The following NACC2 variants were observed in gnomAD, a reference collection of about 807,000 sequenced individuals.
NACC2 encodes the protein NACC family member 2.
A neutral mutation model predicts 25.1 loss-of-function variants in NACC2; 8 were observed. The ratio of observed to expected loss-of-function variants is 0.32; its 90% CI spans 0.19 to 0.57. The LOEUF is 0.57. Ranked by LOEUF, NACC2 falls within the 20% of genes least tolerant of loss-of-function variation. The pLI is 0.89. For synonymous variants in NACC2, 435 were observed against 294.7 expected (o/e 1.48, Z -4.88); for missense variants, 644 against 650.2 (o/e 0.99, Z 0.10).
intron 1 of NACC2, among the ~76,000 whole-genome samples, chr9:136,062,549 G>A (rs1047945441): frequency 6.6e-6 from 1 of 152,176 alleles, no homozygotes; most frequent in African/African-American, 2.4e-5. Flanking sequence ...CATCCTACCT[G>A]CTCCTTCATC....
rs893023307 is a variant in NACC2, at chr9:136,018,558, G to A, written c.887-2129C>T. ...CACTGGCCCAGGATGAGCGTGGTAC[G>A]CACTGCACCTGTCAGTCCCAGGAAG... On this transcript the variant is annotated intron_variant, in intron 2 of 5. Coordinates refer to ENST00000277554, the MANE Select transcript of NACC2 (RefSeq NM_144653.5). The surrounding 1 kb of genome is among the most constrained non-coding windows in gnomAD (Gnocchi z 4.4). 1.3e-5 allele frequency among the ~76,000 whole-genome samples: 2 copies of A among 151,986 alleles called. No individual in the cohort carries two copies. Among genetic ancestry groups the A allele is most frequent in the Non-Finnish European group, 2.9e-5 (2 of 67,976 alleles).
rs140414618 is a variant in NACC2 at position 136,066,598 on chromosome 9, T to C, written c.-59-16018A>G. Among the ~76,000 whole-genome samples, 16 of 152,248 alleles carry C rather than the reference T, an allele frequency of 1.1e-4. No homozygotes were observed. The East Asian group carries it at 2.5e-3, about 24-fold the overall frequency. On this transcript the variant is annotated intron_variant, in intron 1 of 5. Transcript: ENST00000277554. ...TCTGGAATTTCCTCAAAAGGTCAAA[T>C]AGAATTCCTACATGACCCAGCAATT...
chr9:136,054,215 C>T (rs1349591354), intron 1 of NACC2, among the ~76,000 whole-genome samples: 4 of 152,218 alleles, frequency 2.6e-5, no homozygotes, highest in South Asian at 2.1e-4. Flanking sequence ...CAGCCCAGTT[C>T]GGCCTGCGTC....
chr9:136,089,386 C>T (rs996003656), intron 1 of NACC2, among the ~76,000 whole-genome samples: 2 of 152,044 alleles, frequency 1.3e-5, no homozygotes, highest in Non-Finnish European at 2.9e-5. Context: ...ACCTAGCACC[C>T]GCGAAGGCCT....
chr9:136,049,178 C>T (rs1415001552), intron 2 of NACC2, among the ~76,000 whole-genome samples: 5 of 152,212 alleles, frequency 3.3e-5, no homozygotes, highest in African/African-American at 7.2e-5. Flanking sequence ...GCACACTGGG[C>T]GCTTCCTGGC....
intron 1 of NACC2, among the ~76,000 whole-genome samples, chr9:136,051,378 C>T (rs1293252365): frequency 6.6e-6 from 1 of 152,222 alleles, no homozygotes; most frequent in Non-Finnish European, 1.5e-5. Context: ...GCTCGCCTCG[C>T]TCCCCACGCG....
chr9:136,068,140 T>C (rs759468793), intron 1 of NACC2, among the ~76,000 whole-genome samples: 19 of 152,206 alleles, frequency 1.2e-4, no homozygotes, highest in Non-Finnish European at 2.8e-4. Context: ...GATATTACTA[T>C]ATGCTACTAA....
chr9:136,065,432 C>T (rs1033548696), intron 1 of NACC2, among the ~76,000 whole-genome samples: 8 of 152,166 alleles, frequency 5.3e-5, no homozygotes, highest in African/African-American at 1.9e-4. Context: ...CCAGCCTGGC[C>T]AACATGGTAA....
rs186154954 is a variant in NACC2 at position 136,073,132 on chromosome 9, A to T, written c.-60+22057T>A. 2.4e-3 allele frequency among the ~76,000 whole-genome samples: 352 copies of T among 148,054 alleles called. 1 individual carries two copies. Among genetic ancestry groups the T allele is most frequent in the African/African-American group, 9.0e-3 (338 of 37,530 alleles). On this transcript the variant is annotated intron_variant, in intron 1 of 5. Transcript: ENST00000277554. ...AACAAAGGACTAATATCTAGGCTAC[A>T]TAAAGAATTAATTGGCCGGGTATGG...
chr9:136,079,391 A>G (rs1564241977), intron 1 of NACC2, among the ~76,000 whole-genome samples: 1 of 152,204 alleles, frequency 6.6e-6, no homozygotes, highest in Non-Finnish European at 1.5e-5. Context: ...ACAGGATGCC[A>G]ACTGCAGAAG....
At chr9:136,079,366 G>C (rs181177597) in intron 1 of NACC2, among the ~76,000 whole-genome samples, 1 of 152,206 alleles carries the variant, frequency 6.6e-6, no homozygotes, top group Non-Finnish European at 1.5e-5. Flanking sequence ...CCAGGCAGGA[G>C]ACACTCCTAC....
chr9:136,017,441 G>A lies in NACC2; in HGVS notation c.887-1012C>T, dbSNP rs181705636. On this transcript the variant is annotated intron_variant, in intron 2 of 5. Coordinates refer to ENST00000277554, the MANE Select transcript of NACC2 (RefSeq NM_144653.5). ...GACACCCAGCATGCACCAGGTGCGC[G>A]GGGCCAAGGAAACACAGCCCTGGCC... 2.8e-4 allele frequency among the ~76,000 whole-genome samples: 43 copies of A among 152,198 alleles called. 1 individual carries two copies. In the East Asian group the frequency reaches 6.4e-3, roughly 23 times the overall value.
chr9:136,012,189 CG>C (rs1249454600), intron 5 of NACC2, among the ~76,000 whole-genome samples, 165 bp from the exon 6 acceptor site: 1 of 152,224 alleles, frequency 6.6e-6, no homozygotes, highest in East Asian at 1.9e-4. Context: ...CCAGAGGTCA[CG>C]TTTCTCACTG....
chr9:136,016,522 G>A, intron 2 of NACC2, 93 bp from the exon 3 acceptor site: 5 of 1,483,810 alleles, frequency 3.4e-6, no homozygotes, highest in South Asian at 2.4e-5. Context: ...CCTGGGGCCT[G>A]TGTTAGACCC....
At chr9:136,030,706 G>A (rs1006372293) in intron 2 of NACC2, among the ~76,000 whole-genome samples, 1 of 152,182 alleles carries the variant, frequency 6.6e-6, no homozygotes, top group Non-Finnish European at 1.5e-5. Context: ...CTGTCACCCA[G>A]GTTGGAGTGC....
chr9:136,044,971 G>A (rs926896987), intron 2 of NACC2, among the ~76,000 whole-genome samples: 5 of 152,218 alleles, frequency 3.3e-5, no homozygotes, highest in Admixed American at 3.3e-4. Flanking sequence ...GGTGGGGCCC[G>A]CAGCAGGCCT....
Position 136,007,934 on chromosome 9 carries a change from CTACCTTCCGCCTTCCTCCT to C in NACC2, c.*3563_*3581del, listed in dbSNP as rs1379774029. The C allele has an allele frequency of 6.6e-6, 1 of 152,274 alleles. No individual in the cohort carries two copies. The highest frequency in any genetic ancestry group is 1.5e-5 in the Non-Finnish European group (1 of 68,088). 9.4% of individuals were successfully genotyped at this position (152,274 alleles called of 1,614,324 possible). A position where few individuals can be genotyped will look rare whatever the true frequency, so the allele number is the denominator to read the frequency against. On this transcript the variant is annotated 3_prime_UTR_variant, in exon 6 of 6. Transcript: ENST00000277554. ...TCAGAGGGGGACCAGCCCTCCCTCC[CTACCTTCCGCCTTCCTCCT>C]GGCTCTAAACACAAATGCCAAAGAA...
At chr9:136,089,998 A>G (rs2131192529) in intron 1 of NACC2, among the ~76,000 whole-genome samples, 1 of 151,910 alleles carries the variant, frequency 6.6e-6, no homozygotes, top group South Asian at 2.1e-4. Flanking sequence ...AAAAAAAAAG[A>G]ATAAACTGCT....
At position 136,013,316 on chromosome 9, in the gene NACC2, G is replaced by A. The variant is rs1426859849; in HGVS notation, c.1158-20C>T. 1.9e-6 allele frequency: 3 copies of A among 1,606,376 alleles called. No homozygotes were observed. The highest frequency in any genetic ancestry group is 2.6e-6 in the Non-Finnish European group (3 of 1,175,280). On this transcript the variant is annotated intron_variant, in intron 4 of 5. Transcript: ENST00000277554. The surrounding 1 kb of genome is among the most constrained non-coding windows in gnomAD (Gnocchi z 6.6). ...GTGTTCCTGGTGGAGGGACCGGAAA[G>A]GCAGGCAGGGTGAGGATGATGGGGA...
Sources: gnomAD v4.1 joint callset for allele counts (sites outside exome capture counted in the v4.1 genomes callset) on GRCh38, gnomAD v4.1.1 for gene constraint, Gnocchi (gnomAD v3.1) non-coding constraint, MANE v1.5 for transcripts, NCBI Gene and HGNC (gene_info 2026-07-23, HGNC 2026-07-21) for gene names.